PHACTR3: variants seen among roughly 807,000 people sequenced by gnomAD.
PHACTR3 encodes the protein phosphatase and actin regulator 3.
Under a neutral mutation model 66.8 loss-of-function variants are expected in PHACTR3, and 16 were observed. That is an observed-to-expected ratio of 0.24 (90% confidence interval 0.16 to 0.36). PHACTR3 has a LOEUF of 0.36. PHACTR3 is among the 10% of genes least tolerant of loss of function. The pLI is 1.00. For missense variants in PHACTR3, 647 were observed against 719.9 expected, an observed-to-expected ratio of 0.90 and a Z score of 1.16; for synonymous variants, 323 against 292.1, an observed-to-expected ratio of 1.11 and a Z score of -1.08.
chr20:59,780,326 T>A (rs2040682441), intron 7 of PHACTR3, among the ~76,000 whole-genome samples: 1 of 152,214 alleles, frequency 6.6e-6, no homozygotes, highest in Non-Finnish European at 1.5e-5. Context: ...CTTTGAGCTG[T>A]CATAACAAAA....
chr20:59,618,869 TG>T (rs990237735), intron 1 of PHACTR3, among the ~76,000 whole-genome samples: 4 of 152,094 alleles, frequency 2.6e-5, no homozygotes, highest in African/African-American at 9.7e-5. Context: ...AGCCTGGAAC[TG>T]TTTAGAGAGA....
In PHACTR3 at chr20:59,820,263, C is replaced by T. The variant is rs563835159; in HGVS notation, c.1328+14069C>T. Among the ~76,000 whole-genome samples, 8 of 152,266 alleles carry T rather than the reference C, an allele frequency of 5.3e-5. No homozygotes were observed. In the East Asian group the frequency reaches 1.2e-3, roughly 22 times the overall value. Reference sequence around the variant, plus strand: ...TGTTGCAAAAATGCGAAGGAGCTCACGAGGCAGTGCTGTGAGCAGGCTCTG... The same window carrying T: ...TGTTGCAAAAATGCGAAGGAGCTCATGAGGCAGTGCTGTGAGCAGGCTCTG... On this transcript the variant is annotated intron_variant, in intron 8 of 12. Transcript: ENST00000371015. This position sits in a 1 kb window ranked among gnomAD's most constrained non-coding sequence, Gnocchi z 4.6.
chr20:59,617,560 T>C (rs1568936781), intron 1 of PHACTR3, among the ~76,000 whole-genome samples: 1 of 152,090 alleles, frequency 6.6e-6, no homozygotes, highest in Non-Finnish European at 1.5e-5. Flanking sequence ...TTTTTTTCTG[T>C]TTTGTTGAAC....
intron 1 of PHACTR3, among the ~76,000 whole-genome samples, chr20:59,617,558 T>C (rs917911250): frequency 6.6e-5 from 10 of 152,040 alleles, no homozygotes; most frequent in African/African-American, 2.4e-4. Flanking sequence ...TTTTTTTTTC[T>C]GTTTTGTTGA....
At chr20:59,745,718 CAG>C (rs973636726) in intron 2 of PHACTR3, among the ~76,000 whole-genome samples, 1 of 152,228 alleles carries the variant, frequency 6.6e-6, no homozygotes, top group Non-Finnish European at 1.5e-5. Context: ...AGATGGCTCT[CAG>C]GGGCTGCAGG....
intron 1 of PHACTR3, chr20:59,626,886 C>T (rs2034467934): frequency 6.6e-6 from 1 of 152,194 alleles, no homozygotes; most frequent in Admixed American, 6.5e-5. Flanking sequence ...AATCAACCAG[C>T]ATGTTGGGTG....
Position 59,819,925 on chromosome 20 carries a change from C to T in PHACTR3, c.1328+13731C>T, listed in dbSNP as rs144930803. Among the ~76,000 whole-genome samples the T allele has an allele frequency of 9.2e-5, 14 of 152,344 alleles. No individual in the cohort carries two copies. In the East Asian group the frequency reaches 1.7e-3, roughly 19 times the overall value. ...GCCATCTATAGCCTTCTTTGGATTC[C>T]GAGATCCCAAGAACAGAAGCTGTTG... On this transcript the variant is annotated intron_variant, in intron 8 of 12. Coordinates refer to ENST00000371015, the MANE Select transcript of PHACTR3 (RefSeq NM_080672.5).
At chr20:59,578,116 G>A (rs781469388) in intron 1 of PHACTR3, among the ~76,000 whole-genome samples, 4 of 152,212 alleles carry the variant, frequency 2.6e-5, no homozygotes, top group Admixed American at 6.5e-5. Context: ...CTGGCCCCTC[G>A]CCCCCTGCTG....
chr20:59,785,599 G>A (rs928064187), intron 7 of PHACTR3, among the ~76,000 whole-genome samples: 1 of 152,170 alleles, frequency 6.6e-6, no homozygotes, highest in African/African-American at 2.4e-5. Context: ...GAGATGATTC[G>A]CCAGCGACCT....
chr20:59,706,398 C>G (rs2037701693), intron 1 of PHACTR3, among the ~76,000 whole-genome samples: 1 of 152,224 alleles, frequency 6.6e-6, no homozygotes, highest in African/African-American at 2.4e-5. Flanking sequence ...CTTTCTGTGT[C>G]TCTCTGATTC....
chr20:59,658,062 T>G (rs1024021126), intron 1 of PHACTR3, among the ~76,000 whole-genome samples: 7 of 152,138 alleles, frequency 4.6e-5, no homozygotes, highest in Non-Finnish European at 8.8e-5. Flanking sequence ...ATGATTCTTT[T>G]TTCTACCAAT....
At chr20:59,609,924 G>C (rs926795812) in intron 1 of PHACTR3, among the ~76,000 whole-genome samples, 1 of 152,148 alleles carries the variant, frequency 6.6e-6, no homozygotes, top group Non-Finnish European at 1.5e-5. Flanking sequence ...GATTATGAAA[G>C]CATTGCCTGT....
In PHACTR3 at chr20:59,847,128, TAG is replaced by T; in HGVS notation, c.*2_*3del. Reference sequence around the variant, plus strand: ...TATAATCTCTAGATTCCACAGGCCATAGAGATTTTCTTCTGAGAAGAATTTGT... The same window carrying T: ...TATAATCTCTAGATTCCACAGGCCATAGATTTTCTTCTGAGAAGAATTTGT... ...SKHLTRFHRP* is the reference protein window; with the variant it reads ...SKHLTRFHRPX On this transcript the variant is annotated frameshift_variant and stop_lost, in exon 13 of 13. Transcript: ENST00000371015. LOFTEE classifies it high-confidence loss of function. 1.3e-6 allele frequency: 2 copies of T among 1,518,558 alleles called. No homozygotes were observed. Among genetic ancestry groups the T allele is most frequent in the Non-Finnish European group, 1.8e-6 (2 of 1,099,244 alleles). 94.1% of individuals were successfully genotyped at this position (1,518,558 alleles called of 1,614,324 possible).
At position 59,755,214 on chromosome 20, in the gene PHACTR3, G is replaced by A. The variant is rs1400305928; in HGVS notation, c.391G>A (p.Gly131Arg). ...AAGCAAAACTTGCAACCCCGATGGAGGACCCCGATCTGTACAGAGTGAACC... is the reference window on the plus strand; with the variant it reads ...AAGCAAAACTTGCAACCCCGATGGAAGACCCCGATCTGTACAGAGTGAACC... The part of the protein sequence containing the change: ...AESKTCNPDG[G>R]PRSVQSEPPT... The change falls in exon 4 of 13, where the codon GGA becomes AGA. Residue 131 changes from glycine (G) to arginine (R), a missense_variant. By Grantham distance (125) the Gly-to-Arg change is moderately radical. Coordinates refer to ENST00000371015, the MANE Select transcript of PHACTR3 (RefSeq NM_080672.5). 4 of 1,613,338 alleles carry A rather than the reference G, an allele frequency of 2.5e-6. No homozygotes were observed. In the South Asian group the frequency reaches 3.3e-5, roughly 13 times the overall value.
intron 1 of PHACTR3, among the ~76,000 whole-genome samples, chr20:59,684,737 A>T (rs976218516): frequency 3.3e-5 from 5 of 152,190 alleles, no homozygotes; most frequent in Admixed American, 3.3e-4. Context: ...AGAGAGGAGG[A>T]TCTGCTGAGC....
intron 12 of PHACTR3, 49 bp downstream of exon 12, chr20:59,845,314 A>ACCGCCTT (rs1568881525): frequency 1.7e-6 from 2 of 1,206,034 alleles, no homozygotes; most frequent in East Asian, 5.0e-5. Context: ...TGAAACACAC[A>ACCGCCTT]CCGCCTTCCC....
At chr20:59,595,401 G>T (rs2033298634) in intron 1 of PHACTR3, among the ~76,000 whole-genome samples, 1 of 152,210 alleles carries the variant, frequency 6.6e-6, no homozygotes, top group African/African-American at 2.4e-5. Flanking sequence ...GGCAGAGGTT[G>T]CAGTGAGCCG....
chr20:59,636,105 C>CTATA (rs2034894195), intron 1 of PHACTR3, among the ~76,000 whole-genome samples: 2 of 152,154 alleles, frequency 1.3e-5, no homozygotes, highest in African/African-American at 4.8e-5. Flanking sequence ...AATTGCTTGT[C>CTATA]TATATTTTCA....
At chr20:59,613,006 C>T (rs961830407) in intron 1 of PHACTR3, among the ~76,000 whole-genome samples, 5 of 152,064 alleles carry the variant, frequency 3.3e-5, no homozygotes, top group Admixed American at 3.3e-4. Context: ...ACTATCAGAA[C>T]GAGAACTCCC....
Sources: gnomAD v4.1 joint callset for allele counts (sites outside exome capture counted in the v4.1 genomes callset) on GRCh38, gnomAD v4.1.1 for gene constraint, Gnocchi (gnomAD v3.1) non-coding constraint, MANE v1.5 for transcripts, NCBI Gene and HGNC (gene_info 2026-07-23, HGNC 2026-07-21) for gene names.